The following EEIG2 variants were observed in gnomAD, a reference collection of about 807,000 sequenced individuals.
EEIG2 encodes family with sequence similarity 102 member B.
the EEIG2 span, among the ~76,000 whole-genome samples, chr1:108,600,127 C>A: frequency 6.6e-6 from 1 of 152,184 alleles, no homozygotes; most frequent in Non-Finnish European, 1.5e-5. Flanking sequence ...GACAGTAGTT[C>A]ATCTTAAAAT....
chr1:108,633,511 G>T, the EEIG2 span, among the ~76,000 whole-genome samples: 2 of 152,130 alleles, frequency 1.3e-5, no homozygotes, highest in African/African-American at 4.8e-5. Context: ...GATACAGCCT[G>T]GCCCACTTGG....
the EEIG2 span, among the ~76,000 whole-genome samples, chr1:108,570,527 G>A: frequency 6.6e-6 from 1 of 152,228 alleles, no homozygotes; most frequent in African/African-American, 2.4e-5. Flanking sequence ...TGAGGATAAT[G>A]ATGAAAGATC....
At chr1:108,609,413 G>C in the EEIG2 span, among the ~76,000 whole-genome samples, 1 of 152,174 alleles carries the variant, frequency 6.6e-6, no homozygotes, top group Non-Finnish European at 1.5e-5. Context: ...AATAGAGGGG[G>C]TAAGGGGTGG....
the EEIG2 span, among the ~76,000 whole-genome samples, chr1:108,601,142 GA>G: frequency 1.3e-5 from 2 of 151,990 alleles, no homozygotes; most frequent in Non-Finnish European, 2.9e-5. Context: ...GACTCAAACA[GA>G]GTTTTCTGAC....
At chr1:108,568,707 G>C in the EEIG2 span, among the ~76,000 whole-genome samples, 16 of 152,320 alleles carry the variant, frequency 1.1e-4, no homozygotes, top group African/African-American at 3.6e-4. Context: ...GCTCTGTCCA[G>C]TTGTCAGGGG....
At chr1:108,622,189 G>A in the EEIG2 span, among the ~76,000 whole-genome samples, 4 of 152,232 alleles carry the variant, frequency 2.6e-5, no homozygotes, top group Admixed American at 2.6e-4. Context: ...AGAAAATACA[G>A]CTGTTGGTAA....
the EEIG2 span, chr1:108,606,109 A>T: frequency 1.8e-6 from 1 of 558,684 alleles, no homozygotes. Context: ...TCAGAATTTT[A>T]CTGTCTATGA....
chr1:108,599,496 C>T, the EEIG2 span, among the ~76,000 whole-genome samples: 1 of 152,244 alleles, frequency 6.6e-6, no homozygotes, highest in Admixed American at 6.5e-5. Flanking sequence ...AGCACCCCCC[C>T]ACCCCAATAC....
chr1:108,578,882 C>G, the EEIG2 span, among the ~76,000 whole-genome samples: 1 of 137,760 alleles, frequency 7.3e-6, no homozygotes, highest in East Asian at 2.1e-4. Context: ...TACAGACAAG[C>G]AAATGCTGAG....
At chr1:108,633,297 T>C in the EEIG2 span, among the ~76,000 whole-genome samples, 1 of 152,144 alleles carries the variant, frequency 6.6e-6, no homozygotes. Context: ...TTTTTGGTTT[T>C]CATTTTTGAA....
chr1:108,597,546 G>T, the EEIG2 span, among the ~76,000 whole-genome samples: 1 of 152,152 alleles, frequency 6.6e-6, no homozygotes, highest in African/African-American at 2.4e-5. Context: ...TCAATCCTCT[G>T]CTGTGTCCCT....
chr1:108,581,261 C>CAT, the EEIG2 span, among the ~76,000 whole-genome samples: 1 of 152,162 alleles, frequency 6.6e-6, no homozygotes, highest in African/African-American at 2.4e-5. Context: ...ATTGGCAATA[C>CAT]ACCTAGTCCC....
At chr1:108,582,769 G>A in the EEIG2 span, among the ~76,000 whole-genome samples, 7 of 152,228 alleles carry the variant, frequency 4.6e-5, no homozygotes, top group East Asian at 1.4e-3. Flanking sequence ...GTCCTGCTTT[G>A]GGGTAGGACA....
chr1:108,598,077 A>T, the EEIG2 span, among the ~76,000 whole-genome samples: 1 of 152,132 alleles, frequency 6.6e-6, no homozygotes, highest in Admixed American at 6.5e-5. Flanking sequence ...CACATGTGTA[A>T]TAGCAACAGT....
chr1:108,588,064 T>TTCCATTTATG, the EEIG2 span, among the ~76,000 whole-genome samples: 11 of 152,174 alleles, frequency 7.2e-5, no homozygotes, highest in African/African-American at 1.9e-4. Flanking sequence ...CTGAATAATA[T>TTCCATTTATG]TCCATTTATG....
chr1:108,599,088 C>T, the EEIG2 span, among the ~76,000 whole-genome samples: 1 of 151,918 alleles, frequency 6.6e-6, no homozygotes, highest in Non-Finnish European at 1.5e-5. Context: ...TCTCTTTGGC[C>T]TGAGAGGTCA....
At chr1:108,628,156 A>G in the EEIG2 span, 1 of 1,612,612 alleles carries the variant, frequency 6.2e-7, no homozygotes. Context: ...TCATGTTATG[A>G]CATATTACAG....
the EEIG2 span, among the ~76,000 whole-genome samples, chr1:108,634,492 C>T: frequency 6.6e-6 from 1 of 152,186 alleles, no homozygotes; most frequent in Non-Finnish European, 1.5e-5. Flanking sequence ...AGGGTATACC[C>T]TAACATCTTG....
At chr1:108,639,104 T>C in the EEIG2 span, 1 of 152,214 alleles carries the variant, frequency 6.6e-6, no homozygotes, top group Non-Finnish European at 1.5e-5. Flanking sequence ...ACCATGCAAA[T>C]GTTTATGAAT....
Sources: gnomAD v4.1 joint callset for allele counts (sites outside exome capture counted in the v4.1 genomes callset) on GRCh38, gnomAD v4.1.1 for gene constraint, MANE v1.5 for transcripts, NCBI Gene and HGNC (gene_info 2026-07-23, HGNC 2026-07-21) for gene names.